Variants in PDE11A observed in about 807,000 individuals in gnomAD.
PDE11A encodes the protein dual 3',5'-cyclic-AMP and -GMP phosphodiesterase 11A.
In PDE11A, 100 loss-of-function variants were observed where a neutral mutation model predicts 100.5. The observed-to-expected ratio is 1.00, with a 90% CI of 0.85 to 1.18. PDE11A has a LOEUF of 1.18. PDE11A is among the 50% of genes most tolerant of loss of function. PDE11A has a pLI of 0.00. For missense variants in PDE11A, 1,141 were observed against 1,152.6 expected (o/e 0.99, Z 0.15); for synonymous variants, 381 against 420.8 (o/e 0.91, Z 1.16).
chr2:178,102,974 C>T (rs1432079096), intron 2 of PDE11A, among the ~76,000 whole-genome samples: 2 of 151,550 alleles, frequency 1.3e-5, no homozygotes, highest in Non-Finnish European at 2.9e-5. Flanking sequence ...CAGAGATGCA[C>T]AGGGGTCATG....
Position 178,072,346 on chromosome 2 carries a change from T to C in PDE11A, c.92A>G (p.Lys31Arg). ...LFEDYLMRKGKQEMVEKWLQR... is the reference protein window; with the variant it reads ...LFEDYLMRKGRQEMVEKWLQR... ...CAGCCACTTTTCAACCATCTCCTGC[T>C]TCCCCTTCCGCATCAAGTAATCTTC... The change falls in exon 1 of 20, where the codon AAG becomes AGG. Residue 31 changes from lysine to arginine, a missense_variant. Transcript: ENST00000286063. 6.2e-7 allele frequency: 1 copy of C among 1,614,098 alleles called. No homozygotes were observed. The highest frequency in any genetic ancestry group is 8.5e-7 in the Non-Finnish European group (1 of 1,180,022).
At chr2:177,742,590 G>A (rs565974167) in intron 10 of PDE11A, among the ~76,000 whole-genome samples, 2 of 152,278 alleles carry the variant, frequency 1.3e-5, no homozygotes, top group African/African-American at 4.8e-5. Flanking sequence ...TGCTATGCAG[G>A]TATCTATGCA....
chr2:178,059,308 C>T (rs1236686627), intron 1 of PDE11A, among the ~76,000 whole-genome samples: 1 of 151,944 alleles, frequency 6.6e-6, no homozygotes, highest in Non-Finnish European at 1.5e-5. Context: ...TAGGGAAAGG[C>T]CCTGGCCATC....
At chr2:177,977,806 G>GA (rs2085829555) in intron 2 of PDE11A, among the ~76,000 whole-genome samples, 1 of 133,888 alleles carries the variant, frequency 7.5e-6, no homozygotes, top group African/African-American at 2.8e-5. Context: ...ACAAACCTGA[G>GA]AAAAACAAGC....
intron 6 of PDE11A, among the ~76,000 whole-genome samples, chr2:177,828,372 T>C (rs2083259192): frequency 6.6e-6 from 1 of 152,142 alleles, no homozygotes; most frequent in African/African-American, 2.4e-5. Context: ...ATGTCTATTA[T>C]TTACTAAACA....
chr2:177,677,279 G>C lies in PDE11A; in HGVS notation c.2424-1761C>G, dbSNP rs924391123. On this transcript the variant is annotated intron_variant, in intron 16 of 19. Coordinates refer to ENST00000286063, the MANE Select transcript of PDE11A (RefSeq NM_016953.4). ...TGACTCAGTCTCTATATGTGGTAGT[G>C]ATACTATTATTATCTCTTATTAAAG... Among the ~76,000 whole-genome samples the C allele has an allele frequency of 3.3e-5, 5 of 152,262 alleles. 1 individual carries two copies. The South Asian group carries it at 1.0e-3, about 32-fold the overall frequency.
intron 1 of PDE11A, among the ~76,000 whole-genome samples, chr2:178,017,459 C>T (rs2105829869): frequency 6.6e-6 from 1 of 152,270 alleles, no homozygotes; most frequent in East Asian, 1.9e-4. Flanking sequence ...CAGTCTGATA[C>T]AATCTATATA....
At chr2:177,733,243 T>C (rs547569537) in intron 10 of PDE11A, among the ~76,000 whole-genome samples, 2 of 152,332 alleles carry the variant, frequency 1.3e-5, no homozygotes, top group African/African-American at 2.4e-5. Flanking sequence ...CCAAAATAAC[T>C]ACTGAATTAA....
At chr2:177,631,320 AAAC>A (rs869141406) in intron 19 of PDE11A, among the ~76,000 whole-genome samples, 27 of 18,298 alleles carry the variant, frequency 1.5e-3, no homozygotes, top group East Asian at 0.01. Flanking sequence ...ACAAAAAAAA[AAAC>A]AACCTAGGCG....
chr2:178,032,489 A>G (rs1473837615), intron 1 of PDE11A, among the ~76,000 whole-genome samples: 2 of 152,034 alleles, frequency 1.3e-5, no homozygotes, highest in African/African-American at 4.8e-5. Flanking sequence ...ATCTCAAAAA[A>G]AAAAAAAAAG....
intron 4 of PDE11A, among the ~76,000 whole-genome samples, chr2:177,881,701 G>A (rs1230713091): frequency 6.6e-6 from 1 of 152,202 alleles, no homozygotes; most frequent in African/African-American, 2.4e-5. Context: ...CCTACCACCT[G>A]TTTTTATTAA....
chr2:177,845,874 G>T (rs984379572), intron 5 of PDE11A, among the ~76,000 whole-genome samples: 2 of 152,210 alleles, frequency 1.3e-5, no homozygotes, highest in African/African-American at 4.8e-5. Flanking sequence ...ACCAAAACCA[G>T]TCAGGCGTGG....
At chr2:177,933,087 C>CACACAA (rs370333403) in intron 2 of PDE11A, among the ~76,000 whole-genome samples, 1 of 151,450 alleles carries the variant, frequency 6.6e-6, no homozygotes, top group Admixed American at 6.6e-5. Context: ...CACACACACA[C>CACACAA]ACAAATAAAA....
rs2086737056 is a variant in PDE11A, at chr2:178,045,436, TG to T, written c.912+26089del. Among the ~76,000 whole-genome samples the T allele has an allele frequency of 2.6e-5, 4 of 152,214 alleles. No homozygotes were observed. In the South Asian group the frequency reaches 8.3e-4, roughly 31 times the overall value. Reference sequence around the variant, plus strand: ...AATATTGTTTAGTCCTTGGCAACACTGTCTCACAACTTTGGTAAAGAGCATT... The same window carrying T: ...AATATTGTTTAGTCCTTGGCAACACTTCTCACAACTTTGGTAAAGAGCATT... On this transcript the variant is annotated intron_variant, in intron 1 of 19. Coordinates refer to ENST00000286063, the MANE Select transcript of PDE11A (RefSeq NM_016953.4).
At chr2:177,713,995 T>TC (rs1553540443) in intron 12 of PDE11A, among the ~76,000 whole-genome samples, 4 of 117,840 alleles carry the variant, frequency 3.4e-5, no homozygotes, top group Admixed American at 8.7e-5. Flanking sequence ...TTCTTTTTTT[T>TC]TTTTTTTTTT....
chr2:177,660,866 A>G (rs993641931), intron 19 of PDE11A, among the ~76,000 whole-genome samples: 3 of 152,242 alleles, frequency 2.0e-5, no homozygotes, highest in African/African-American at 7.2e-5. Context: ...GTGAAAGTCA[A>G]TGAAGTCAAA....
intron 2 of PDE11A, among the ~76,000 whole-genome samples, chr2:177,957,733 T>G (rs1226567238): frequency 6.6e-6 from 1 of 152,172 alleles, no homozygotes; most frequent in Non-Finnish European, 1.5e-5. Context: ...TTAAATAGTA[T>G]TCTTTTTATG....
intron 4 of PDE11A, chr2:177,888,726 TA>T: frequency 1.1e-6 from 1 of 881,838 alleles, no homozygotes; most frequent in Non-Finnish European, 1.4e-6. Flanking sequence ...GGAGATGAAG[TA>T]ACATCTTTCC....
intron 9 of PDE11A, among the ~76,000 whole-genome samples, chr2:177,798,083 A>C (rs188731541): frequency 5.3e-5 from 8 of 152,292 alleles, no homozygotes; most frequent in South Asian, 2.1e-4. Flanking sequence ...AGGTGCTTGA[A>C]TAGCATGCTA....
Sources: gnomAD v4.1 joint callset for allele counts (sites outside exome capture counted in the v4.1 genomes callset) on GRCh38, gnomAD v4.1.1 for gene constraint, MANE v1.5 for transcripts, NCBI Gene and HGNC (gene_info 2026-07-23, HGNC 2026-07-21) for gene names.